The following TBX21 variants were observed in gnomAD, a reference collection of about 807,000 sequenced individuals.
TBX21 encodes T-box transcription factor 21, also known as T-box transcription factor TBX21.
In TBX21, 11 loss-of-function variants were observed where a neutral mutation model predicts 52.2. The ratio of observed to expected loss-of-function variants is 0.21; its 90% CI spans 0.13 to 0.35. TBX21 has a LOEUF of 0.35. Among genes scored for constraint, TBX21 ranks in the 10% least tolerant of loss-of-function variants. The pLI is 1.00. For missense variants in TBX21, 625 were observed against 755.1 expected (o/e 0.83, Z 2.02); for synonymous variants, 300 against 316.1 (o/e 0.95, Z 0.54).
chr17:47,736,068 G>A (rs16946264), intron 1 of TBX21, among the ~76,000 whole-genome samples: 16,853 of 152,196 alleles, frequency 0.11, 1,029 homozygotes, highest in South Asian at 0.19. Context: ...GATGATTCTC[G>A]AAGTGTGTAT....
chr17:47,734,769 C>G (rs2032189488), intron 1 of TBX21, among the ~76,000 whole-genome samples: 1 of 151,630 alleles, frequency 6.6e-6, no homozygotes, highest in Non-Finnish European at 1.5e-5. Flanking sequence ...GAGGCTGGTC[C>G]AGTGAAAACC....
chr17:47,744,107 C>G (rs1185898791), intron 3 of TBX21, 88 bp from the exon 4 acceptor site: 3 of 1,533,630 alleles, frequency 2.0e-6, no homozygotes, highest in Non-Finnish European at 2.7e-6. Context: ...TGCTTGCTAG[C>G]CTCACGTGGG....
Position 47,742,460 on chromosome 17 carries a change from T to C in TBX21, c.492-150T>C. 1.2e-6 allele frequency: 1 copy of C among 852,562 alleles called. No homozygotes were observed. The highest frequency in any genetic ancestry group is 1.7e-6 in the Non-Finnish European group (1 of 580,726). 52.8% of individuals were successfully genotyped at this position (852,562 alleles called of 1,614,324 possible). A position where few individuals can be genotyped will look rare whatever the true frequency, so the allele number is the denominator to read the frequency against. ...ATTATGGCTGTGTTTAACCACTGGC[T>C]GGCAAACTCCCTAAACACCTTCCAG... On this transcript the variant is annotated intron_variant, in intron 1 of 5. Transcript: ENST00000177694. This position sits in a 1 kb window ranked among gnomAD's most constrained non-coding sequence, Gnocchi z 4.4.
chr17:47,745,510 A>C lies in TBX21; in HGVS notation c.*144A>C. 148 of 1,232,160 alleles carry C rather than the reference A, an allele frequency of 1.2e-4. No homozygotes were observed. Among genetic ancestry groups the C allele is most frequent in the Middle Eastern group, 5.2e-4 (2 of 3,812 alleles). The allele number at this position is 1,232,160 out of a possible 1,614,324, so 76.3% of individuals were successfully genotyped here. A position where few individuals can be genotyped will look rare whatever the true frequency, so the allele number is the denominator to read the frequency against. On this transcript the variant is annotated 3_prime_UTR_variant, in exon 6 of 6. Transcript: ENST00000177694. ...GTAGTTGGTTGGGGAAGTGGGGCTC[A>C]AGAAGGATTTTGGGGTTCACCAGAT...
rs577484698 is a variant in TBX21 at position 47,742,400 on chromosome 17, G to A, written c.492-210G>A. ...CCGGGCCTACTTTGACTGTTAATATGTCTTGAATTGCAAGTTTATATAATT... is the reference window on the plus strand; with the variant it reads ...CCGGGCCTACTTTGACTGTTAATATATCTTGAATTGCAAGTTTATATAATT... On this transcript the variant is annotated intron_variant, in intron 1 of 5. Transcript: ENST00000177694. The surrounding 1 kb of genome is among the most constrained non-coding windows in gnomAD (Gnocchi z 4.4). 1.3e-5 allele frequency among the ~76,000 whole-genome samples: 2 copies of A among 152,300 alleles called. No individual in the cohort carries two copies. Among genetic ancestry groups the A allele is most frequent in the African/African-American group, 4.8e-5 (2 of 41,560 alleles).
chr17:47,744,623 G>A, intron 5 of TBX21, 80 bp downstream of exon 5: 2 of 1,608,114 alleles, frequency 1.2e-6, no homozygotes, highest in African/African-American at 1.3e-5. Context: ...AGGAGGGTGG[G>A]GGACAGATGC....
At chr17:47,738,319 G>C (rs188294795) in intron 1 of TBX21, among the ~76,000 whole-genome samples, 1 of 151,996 alleles carries the variant, frequency 6.6e-6, no homozygotes, top group Admixed American at 6.6e-5. Flanking sequence ...CACCATGTCC[G>C]GCTAATTGTT....
chr17:47,745,064 C>A lies in TBX21; in HGVS notation c.1306C>A (p.Pro436Thr). The change falls in exon 6 of 6, where the codon CCC becomes ACC. Residue 436 changes from proline to threonine, a missense_variant. Physicochemically the swap from Pro to Thr is conservative, Grantham distance 38. Transcript: ENST00000177694. Reference sequence around the variant, plus strand: ...ACCTGGAGCTGGCTGGCCTGTGGCACCCCAGTACCCTCCCAAGATGGGCCC... The same window carrying A: ...ACCTGGAGCTGGCTGGCCTGTGGCAACCCAGTACCCTCCCAAGATGGGCCC... ...LAPGAGWPVA[P>T]QYPPKMGPAS... The A allele has an allele frequency of 1.2e-6, 2 of 1,613,178 alleles. No homozygotes were observed. Among genetic ancestry groups the A allele is most frequent in the Non-Finnish European group, 1.7e-6 (2 of 1,180,014 alleles).
Position 47,742,844 on chromosome 17 carries a change from C to G in TBX21, c.646+80C>G, listed in dbSNP as rs1350990094. On this transcript the variant is annotated intron_variant, in intron 2 of 5. Transcript: ENST00000177694. The surrounding 1 kb of genome is among the most constrained non-coding windows in gnomAD (Gnocchi z 4.4). ...TGGTGGGCCCACCAAGCCCCTACCC[C>G]TAATTCCTAGACCTTTAACCCCCTC... 6.7e-7 allele frequency: 1 copy of G among 1,490,950 alleles called. No individual in the cohort carries two copies. The highest frequency in any genetic ancestry group is 8.9e-7 in the Non-Finnish European group (1 of 1,120,082). 92.4% of individuals were successfully genotyped at this position (1,490,950 alleles called of 1,614,324 possible).
At chr17:47,744,033 G>A (rs1008166513) in intron 3 of TBX21, among the ~76,000 whole-genome samples, 162 bp from the exon 4 acceptor site, 1 of 152,182 alleles carries the variant, frequency 6.6e-6, no homozygotes, top group African/African-American at 2.4e-5. Context: ...GGACACTGGA[G>A]TTGGAAAGCT....
rs1269852862 is a variant in TBX21 at position 47,742,368 on chromosome 17, C to T, written c.492-242C>T. On this transcript the variant is annotated intron_variant, in intron 1 of 5. Transcript: ENST00000177694. This position sits in a 1 kb window ranked among gnomAD's most constrained non-coding sequence, Gnocchi z 4.4. ...AAGTGCTGGGATTACAGGCATGAGCCACTGTGCCGGGCCTACTTTGACTGT... is the reference window on the plus strand; with the variant it reads ...AAGTGCTGGGATTACAGGCATGAGCTACTGTGCCGGGCCTACTTTGACTGT... 2.0e-5 allele frequency among the ~76,000 whole-genome samples: 3 copies of T among 152,214 alleles called. No individual in the cohort carries two copies. Among genetic ancestry groups the T allele is most frequent in the Admixed American group, 1.3e-4 (2 of 15,280 alleles).
intron 5 of TBX21, 21 bp from the exon 6 acceptor site, chr17:47,744,727 T>C: frequency 5.6e-6 from 9 of 1,602,838 alleles, no homozygotes; most frequent in Non-Finnish European, 7.7e-6. Context: ...ACCCGTTTTC[T>C]TGCCTTCTAT....
Position 47,733,842 on chromosome 17 carries a change from G to T in TBX21, c.388G>T (p.Gly130Ter). The part of the protein sequence containing the change: ...GPREDYALPA[G>*]LEVSGKLRVA... ...GCGTGAGGACTACGCGCTACCCGCG[G>T]GACTGGAGGTGTCGGGGAAACTGAG... Residue 130 changes from glycine (G) to a stop codon, truncating the protein, a stop_gained, in exon 1 of 6, where the codon GGA becomes TGA. Coordinates refer to ENST00000177694, the MANE Select transcript of TBX21 (RefSeq NM_013351.2). LOFTEE classifies it high-confidence loss of function. The surrounding 1 kb of genome is among the most constrained non-coding windows in gnomAD (Gnocchi z 6.6). 2 of 1,610,732 alleles carry T rather than the reference G, an allele frequency of 1.2e-6. No individual in the cohort carries two copies. Among genetic ancestry groups the T allele is most frequent in the Non-Finnish European group, 1.7e-6 (2 of 1,178,990 alleles).
intron 1 of TBX21, among the ~76,000 whole-genome samples, chr17:47,740,618 C>T (rs963467521): frequency 2.0e-5 from 3 of 152,150 alleles, no homozygotes; most frequent in Non-Finnish European, 4.4e-5. Context: ...GTAGTCCCAG[C>T]TCTTGGGAGG....
chr17:47,733,969 G>C lies in TBX21; in HGVS notation c.491+24G>C, dbSNP rs750645202. On this transcript the variant is annotated intron_variant, in intron 1 of 5. Coordinates refer to ENST00000177694, the MANE Select transcript of TBX21 (RefSeq NM_013351.2). The surrounding 1 kb of genome is among the most constrained non-coding windows in gnomAD (Gnocchi z 6.6). ...CGGTGAGTGCGGCGCGCCGGCCCTT[G>C]GGGCCTCTGTGCCCGCGCCGGAACA... The C allele has an allele frequency of 8.7e-6, 14 of 1,612,252 alleles. No individual in the cohort carries two copies. The highest frequency in any genetic ancestry group is 6.8e-6 in the Non-Finnish European group (8 of 1,179,318).
At position 47,744,511 on chromosome 17, in the gene TBX21, C is replaced by A. The variant is rs1222182941; in HGVS notation, c.957C>A (p.Pro319=). Residue 319 remains proline, a synonymous_variant, in exon 5 of 6, where the codon CCC becomes CCA. Transcript: ENST00000177694. ...CTCAGCTGAAAATTGATAATAACCCCTTTGCCAAAGGATTCCGGGAGAACT... is the reference window on the plus strand; with the variant it reads ...CTCAGCTGAAAATTGATAATAACCCATTTGCCAAAGGATTCCGGGAGAACT... ...EITQLKIDNN[P]FAKGFRENFE... is the part of the protein sequence containing the mutation. The A allele has an allele frequency of 4.3e-6, 7 of 1,614,036 alleles. No individual in the cohort carries two copies. The highest frequency in any genetic ancestry group is 5.9e-6 in the Non-Finnish European group (7 of 1,180,044).
intron 1 of TBX21, among the ~76,000 whole-genome samples, chr17:47,741,894 A>G (rs1032886552): frequency 2.0e-5 from 3 of 152,122 alleles, no homozygotes; most frequent in African/African-American, 4.8e-5. Flanking sequence ...TACTCCTGCT[A>G]TGGATGATTT....
chr17:47,734,552 CTGGT>C (rs2032181021), intron 1 of TBX21, among the ~76,000 whole-genome samples: 1 of 114,288 alleles, frequency 8.7e-6, no homozygotes, highest in Non-Finnish European at 1.8e-5. Context: ...GATCATATGT[CTGGT>C]GTGTGTGTGT....
chr17:47,739,565 C>T (rs2032245068), intron 1 of TBX21, among the ~76,000 whole-genome samples: 1 of 152,114 alleles, frequency 6.6e-6, no homozygotes, highest in Non-Finnish European at 1.5e-5. Flanking sequence ...TCGAGACCAG[C>T]TTGATTAACA....
Sources: allele counts gnomAD v4.1 joint callset (sites outside exome capture counted in the v4.1 genomes callset), GRCh38; gene constraint gnomAD v4.1.1; non-coding constraint Gnocchi (gnomAD v3.1); transcripts MANE v1.5; gene names NCBI Gene and HGNC (gene_info 2026-07-23, HGNC 2026-07-21).